C1D: variants seen among roughly 807,000 people sequenced by gnomAD.
C1D encodes nuclear nucleic acid-binding protein C1D.
A neutral mutation model predicts 17.5 loss-of-function variants in C1D; 10 were observed. The observed-to-expected ratio is 0.57, with a 90% CI of 0.35 to 0.97. C1D has a LOEUF of 0.97. Ranked by LOEUF, C1D falls within the 50% of genes least tolerant of loss-of-function variation. The probability of loss-of-function intolerance (pLI) is 0.01; values close to 1 mark genes in which losing one functional copy is unlikely to be tolerated. For synonymous variants in C1D, 49 were observed against 54.0 expected, an observed-to-expected ratio of 0.91 and a Z score of 0.40; for missense variants, 136 against 160.1, an observed-to-expected ratio of 0.85 and a Z score of 0.81.
intron 3 of C1D, 51 bp downstream of exon 3, chr2:68,046,293 T>C: frequency 1.5e-6 from 2 of 1,307,454 alleles, no homozygotes; most frequent in Admixed American, 1.8e-5. Context: ...AAATCATCTT[T>C]CACACAATAA....
At chr2:68,051,334 C>A (rs1671276028) in intron 1 of C1D, among the ~76,000 whole-genome samples, 1 of 152,054 alleles carries the variant, frequency 6.6e-6, no homozygotes, top group Non-Finnish European at 1.5e-5. Context: ...ACCTGGGCAA[C>A]ATGGCAAGAC....
At chr2:68,048,491 C>T (rs1208212091) in intron 1 of C1D, among the ~76,000 whole-genome samples, 6 of 152,136 alleles carry the variant, frequency 3.9e-5, no homozygotes, top group African/African-American at 1.4e-4. Flanking sequence ...GTCTAATGAT[C>T]TGTAAAGTTC....
intron 1 of C1D, among the ~76,000 whole-genome samples, chr2:68,050,777 G>T (rs916259442): frequency 6.6e-6 from 1 of 152,136 alleles, no homozygotes; most frequent in Non-Finnish European, 1.5e-5. Context: ...CCTCTCCATT[G>T]AACTTCATAT....
intron 2 of C1D, 90 bp from the exon 3 acceptor site, chr2:68,046,500 T>G: frequency 1.2e-6 from 1 of 859,450 alleles, no homozygotes; most frequent in South Asian, 1.5e-5. Context: ...ACATTTGACT[T>G]TTACCAAGTA....
At chr2:68,045,402 A>G (rs1283701270) in intron 4 of C1D, among the ~76,000 whole-genome samples, 1 of 152,196 alleles carries the variant, frequency 6.6e-6, no homozygotes, top group Admixed American at 6.5e-5. Context: ...AAGTCAGCAA[A>G]AACTCCAAGA....
chr2:68,062,652 T>G (rs1671669226), intron 1 of C1D, among the ~76,000 whole-genome samples: 1 of 152,190 alleles, frequency 6.6e-6, no homozygotes, highest in Admixed American at 6.5e-5. Context: ...AATTTCTTCG[T>G]CTTCCAAGAT....
intron 3 of C1D, 91 bp from the exon 4 acceptor site, chr2:68,046,134 A>T: frequency 1.0e-6 from 1 of 962,568 alleles, no homozygotes; most frequent in Non-Finnish European, 1.6e-6. Context: ...AAAAAAGGAA[A>T]GTCCTACAAA....
At chr2:68,053,281 C>A in intron 1 of C1D, 1 of 1,429,844 alleles carries the variant, frequency 7.0e-7, no homozygotes, top group Non-Finnish European at 9.4e-7. Context: ...TCAGTCCTTC[C>A]TCTCACTGGT....
chr2:68,046,354 T>G lies in C1D; in HGVS notation c.195A>C (p.Ser65=). The change falls in exon 3 of 5, where the codon TCA becomes TCC. Residue 65 remains serine (S), a synonymous_variant. Coordinates refer to ENST00000410067, the MANE Select transcript of C1D (RefSeq NM_173177.3). ...AAGTAACACACATACCCCAAAACAT[T>G]GAATTTAATGTGTATGCAGAAACCA... ...VDLVSAYTLN[S]MFWVYLATQG... 1 of 1,610,768 alleles carries G rather than the reference T, an allele frequency of 6.2e-7. No individual in the cohort carries two copies.
Position 68,051,732 on chromosome 2 carries a change from ATACC to A in C1D, c.-9-4417_-9-4414del, listed in dbSNP as rs549755729. Among the ~76,000 whole-genome samples, 399 of 151,632 alleles carry A rather than the reference ATACC, an allele frequency of 2.6e-3. 3 individuals are homozygous for A. Among genetic ancestry groups the A allele is most frequent in the African/African-American group, 9.2e-3 (379 of 41,338 alleles). On this transcript the variant is annotated intron_variant, in intron 1 of 4. Coordinates refer to ENST00000410067, the MANE Select transcript of C1D (RefSeq NM_173177.3). ...CTATTCCTCTCTTCCTCCCTTACCA[ATACC>A]TTCAGAGCTCATTATGTTACCTTCA...
At position 68,047,266 on chromosome 2, in the gene C1D, G is replaced by C. The variant is rs771642711; in HGVS notation, c.45C>G (p.His15Gln). The C allele has an allele frequency of 3.7e-6, 6 of 1,612,212 alleles. No homozygotes were observed. The African/African-American group carries it at 8.0e-5, about 22-fold the overall frequency. ...AATTCTCAAACGCTGACAAATACTC[G>C]TGAATTTCTACTGGATAGTCTTCAT... ...EINEDYPVEI[H>Q]EYLSAFENSI... The change falls in exon 2 of 5, where the codon CAC becomes CAG. Residue 15 changes from histidine to glutamine, a missense_variant. Physicochemically the swap from His to Gln is conservative, Grantham distance 24 (BLOSUM62 0). Coordinates refer to ENST00000410067, the MANE Select transcript of C1D (RefSeq NM_173177.3).
intron 1 of C1D, among the ~76,000 whole-genome samples, chr2:68,050,840 T>TAA (rs1671258643): frequency 6.6e-6 from 1 of 152,250 alleles, no homozygotes; most frequent in Admixed American, 6.5e-5. Flanking sequence ...TAATAAATTC[T>TAA]CAAACAGAAC....
rs1261776552 is a variant in C1D at position 68,042,687 on chromosome 2, T to C, written c.*202A>G. The C allele has an allele frequency of 1.1e-5, 4 of 378,736 alleles. No individual in the cohort carries two copies. The highest frequency in any genetic ancestry group is 4.1e-5 in the African/African-American group (2 of 48,468). The allele number at this position is 378,736 out of a possible 1,614,324, so 23.5% of individuals were successfully genotyped here. On this transcript the variant is annotated 3_prime_UTR_variant, in exon 5 of 5. Coordinates refer to ENST00000410067, the MANE Select transcript of C1D (RefSeq NM_173177.3). ...TGGTAAATTATAAATATATAATATA[T>C]CACAATGTTAAAATCCTCAGTGCTA...
chr2:68,053,255 C>G, intron 1 of C1D: 1 of 1,500,916 alleles, frequency 6.7e-7, no homozygotes, highest in Non-Finnish European at 9.0e-7. Flanking sequence ...GTAACCCTAA[C>G]AGATGTTACT....
chr2:68,054,250 C>T (rs992891557), intron 1 of C1D, among the ~76,000 whole-genome samples: 7 of 152,312 alleles, frequency 4.6e-5, no homozygotes, highest in Admixed American at 6.5e-5. Context: ...CCCTTACTAC[C>T]GCTTCCCATC....
chr2:68,044,113 C>A (rs759228097), intron 4 of C1D, among the ~76,000 whole-genome samples: 26 of 152,218 alleles, frequency 1.7e-4, no homozygotes, highest in Non-Finnish European at 3.1e-4. Context: ...TCCAAGCACT[C>A]CAGTCCCCCT....
chr2:68,060,420 T>A (rs1382103373), intron 1 of C1D, among the ~76,000 whole-genome samples: 2 of 152,192 alleles, frequency 1.3e-5, no homozygotes, highest in East Asian at 3.9e-4. Context: ...GACAGGCGGA[T>A]CACCTGAGGT....
intron 1 of C1D, among the ~76,000 whole-genome samples, chr2:68,049,038 A>T (rs1671209995): frequency 6.6e-6 from 1 of 152,068 alleles, no homozygotes; most frequent in African/African-American, 2.4e-5. Context: ...CTCTACTAAA[A>T]ATACAAAAAT....
At chr2:68,060,974 T>A (rs903163636) in intron 1 of C1D, among the ~76,000 whole-genome samples, 2 of 152,142 alleles carry the variant, frequency 1.3e-5, no homozygotes, top group African/African-American at 4.8e-5. Flanking sequence ...AATATCAGAT[T>A]ACAGTTTGAG....
Sources: gnomAD v4.1 joint callset for allele counts (sites outside exome capture counted in the v4.1 genomes callset) on GRCh38, gnomAD v4.1.1 for gene constraint, MANE v1.5 for transcripts, NCBI Gene and HGNC (gene_info 2026-07-23, HGNC 2026-07-21) for gene names.